Variants in LRRIQ1 observed in about 807,000 individuals in gnomAD.
LRRIQ1 encodes leucine rich repeats and IQ motif containing 1.
Under a neutral mutation model 211.9 loss-of-function variants are expected in LRRIQ1, and 210 were observed. That is an observed-to-expected ratio of 0.99 (90% CI 0.89 to 1.11). The LOEUF (loss-of-function observed/expected upper bound fraction) is 1.11, where lower values mean the gene tolerates loss of function less well. Among genes scored for constraint, LRRIQ1 ranks in the 50% most tolerant of loss-of-function variants. The probability of loss-of-function intolerance (pLI) is 0.00; values close to 1 mark genes in which losing one functional copy is unlikely to be tolerated. For missense variants in LRRIQ1, 2,136 were observed against 1,939.5 expected (o/e 1.10, Z -1.90); for synonymous variants, 699 against 650.1 (o/e 1.08, Z -1.14).
In LRRIQ1 at chr12:85,087,411, C is replaced by A. The variant is rs547172998; in HGVS notation, c.2888-10944C>A. Among the ~76,000 whole-genome samples the A allele has an allele frequency of 1.3e-3, 198 of 152,248 alleles. 1 individual carries two copies. Among genetic ancestry groups the A allele is most frequent in the African/African-American group, 4.6e-3 (190 of 41,536 alleles). On this transcript the variant is annotated intron_variant, in intron 11 of 26. Coordinates refer to ENST00000393217, the MANE Select transcript of LRRIQ1 (RefSeq NM_001079910.2). ...TAGTGCCGCAATAAACATATGTGTG[C>A]ATGTGTCTTTATAGCAGCATGATTT...
chr12:85,081,124 T>C (rs1884238150), intron 11 of LRRIQ1, among the ~76,000 whole-genome samples: 1 of 152,082 alleles, frequency 6.6e-6, no homozygotes, highest in Non-Finnish European at 1.5e-5. Context: ...AAAAGTAAGG[T>C]AGGGGTTTCT....
chr12:85,070,164 C>T (rs974559936), intron 10 of LRRIQ1, among the ~76,000 whole-genome samples: 1 of 151,926 alleles, frequency 6.6e-6, no homozygotes, highest in African/African-American at 2.4e-5. Context: ...GCTGCTTTGG[C>T]GGGAATTCTT....
chr12:85,103,893 G>T, intron 13 of LRRIQ1, 111 bp from the exon 14 acceptor site: 1 of 430,700 alleles, frequency 2.3e-6, no homozygotes, highest in Non-Finnish European at 4.1e-6. Context: ...TGTATAAAAT[G>T]TGTATAATTA....
chr12:85,209,506 C>T (rs1893732589), intron 24 of LRRIQ1, among the ~76,000 whole-genome samples: 1 of 152,124 alleles, frequency 6.6e-6, no homozygotes, highest in Admixed American at 6.6e-5. Context: ...GGGACACACC[C>T]AAACCATATC....
At chr12:85,164,325 T>A (rs2708496) in intron 24 of LRRIQ1, among the ~76,000 whole-genome samples, 91,146 of 152,000 alleles carry the variant, frequency 0.6, 29,562 homozygotes, top group African/African-American at 0.86. Flanking sequence ...TTGAATCTTG[T>A]CTTTATCGTT....
intron 6 of LRRIQ1, chr12:85,047,947 T>G (rs1229986122): frequency 6.4e-6 from 1 of 156,316 alleles, no homozygotes; most frequent in Non-Finnish European, 1.4e-5. Context: ...TGGTGTGAAG[T>G]TTTGTACTGT....
chr12:85,037,287 T>C (rs534660892), intron 1 of LRRIQ1, among the ~76,000 whole-genome samples: 47 of 152,134 alleles, frequency 3.1e-4, no homozygotes, highest in African/African-American at 1.1e-3. Context: ...GAGAAAGTCA[T>C]GTAAAGGAAA....
chr12:85,191,215 T>C (rs961257945), intron 24 of LRRIQ1, among the ~76,000 whole-genome samples: 1 of 151,968 alleles, frequency 6.6e-6, no homozygotes, highest in Non-Finnish European at 1.5e-5. Context: ...CTCTTGCTGT[T>C]GTGCATTATA....
At position 85,124,155 on chromosome 12, in the gene LRRIQ1, C is replaced by A. The variant is rs373960866; in HGVS notation, c.3643C>A (p.His1215Asn). 6.2e-7 allele frequency: 1 copy of A among 1,614,044 alleles called. No individual in the cohort carries two copies. Among genetic ancestry groups the A allele is most frequent in the Admixed American group, 1.7e-5 (1 of 59,994 alleles). ...MILSTEYRHA[H>N]ERGDVTITKK... Reference sequence around the variant, plus strand: ...ACTTAGTACTGAATACCGACATGCACACGAACGAGGGGATGTAACTATCAC... The same window carrying A: ...ACTTAGTACTGAATACCGACATGCAAACGAACGAGGGGATGTAACTATCAC... The change falls in exon 17 of 27, where the codon CAC becomes AAC. Residue 1215 changes from histidine (H) to asparagine (N), a missense_variant. Coordinates refer to ENST00000393217, the MANE Select transcript of LRRIQ1 (RefSeq NM_001079910.2).
At chr12:85,129,889 G>T (rs1247785818) in intron 18 of LRRIQ1, among the ~76,000 whole-genome samples, 1 of 152,168 alleles carries the variant, frequency 6.6e-6, no homozygotes, top group Non-Finnish European at 1.5e-5. Context: ...TCCTATTACA[G>T]TAAACCAGGC....
At chr12:85,067,652 C>CT (rs1882586869) in intron 10 of LRRIQ1, among the ~76,000 whole-genome samples, 1 of 151,684 alleles carries the variant, frequency 6.6e-6, no homozygotes, top group South Asian at 2.1e-4. Flanking sequence ...AGTACTGAGA[C>CT]TACAGACATG....
intron 25 of LRRIQ1, among the ~76,000 whole-genome samples, chr12:85,232,286 G>A (rs946986691): frequency 6.6e-6 from 1 of 151,968 alleles, no homozygotes; most frequent in African/African-American, 2.4e-5. Context: ...TTGAATATTA[G>A]TATAACACAT....
At chr12:85,252,971 A>G (rs1402943966) in intron 1 of LRRIQ1, among the ~76,000 whole-genome samples, 15 of 151,244 alleles carry the variant, frequency 9.9e-5, no homozygotes. Context: ...TACACTTAAT[A>G]TAAGTAAATG....
chr12:85,199,953 G>T (rs886366563), intron 24 of LRRIQ1, among the ~76,000 whole-genome samples: 1 of 152,070 alleles, frequency 6.6e-6, no homozygotes, highest in Non-Finnish European at 1.5e-5. Flanking sequence ...TGATGTTCAG[G>T]CTCTTTTTGG....
chr12:85,159,307 A>G (rs919893105), intron 23 of LRRIQ1, among the ~76,000 whole-genome samples: 7 of 151,990 alleles, frequency 4.6e-5, no homozygotes, highest in Non-Finnish European at 7.4e-5. Flanking sequence ...TTATGGTTCT[A>G]TGTATTTTTA....
intron 24 of LRRIQ1, among the ~76,000 whole-genome samples, chr12:85,189,612 T>A (rs1446817486): frequency 6.6e-6 from 1 of 151,710 alleles, no homozygotes; most frequent in Non-Finnish European, 1.5e-5. Flanking sequence ...AAAGTCACCA[T>A]GAAAAGTATA....
At chr12:85,099,849 A>C (rs1323496221) in intron 13 of LRRIQ1, among the ~76,000 whole-genome samples, 1 of 151,842 alleles carries the variant, frequency 6.6e-6, no homozygotes, top group South Asian at 2.1e-4. Flanking sequence ...GCAGGCATAT[A>C]CTAAATGACT....
chr12:85,153,948 A>G, intron 22 of LRRIQ1, 64 bp from the exon 23 acceptor site: 2 of 1,128,898 alleles, frequency 1.8e-6, no homozygotes, highest in Non-Finnish European at 2.5e-6. Flanking sequence ...GTCTATTTTT[A>G]TATGCATATC....
At chr12:85,092,574 T>C (rs561351249) in intron 11 of LRRIQ1, among the ~76,000 whole-genome samples, 1 of 152,288 alleles carries the variant, frequency 6.6e-6, no homozygotes, top group East Asian at 1.9e-4. Context: ...AATATCAAGA[T>C]TTCCACTTAA....
Sources: gnomAD v4.1 joint callset for allele counts (sites outside exome capture counted in the v4.1 genomes callset) on GRCh38, gnomAD v4.1.1 for gene constraint, MANE v1.5 for transcripts, NCBI Gene and HGNC (gene_info 2026-07-23, HGNC 2026-07-21) for gene names.